Variants in SEZ6L observed in about 807,000 individuals in gnomAD.
SEZ6L encodes the protein seizure related 6 homolog like.
A neutral mutation model predicts 106.2 loss-of-function variants in SEZ6L; 37 were observed. The ratio of observed to expected loss-of-function variants is 0.35; its 90% CI spans 0.27 to 0.46. The LOEUF (loss-of-function observed/expected upper bound fraction) is 0.46, where lower values mean the gene tolerates loss of function less well. SEZ6L is among the 20% of genes least tolerant of loss of function. The pLI is 1.00. For missense variants in SEZ6L, 1,172 were observed against 1,332.8 expected (o/e 0.88, Z 1.88); for synonymous variants, 541 against 570.4 (o/e 0.95, Z 0.73).
intron 1 of SEZ6L, among the ~76,000 whole-genome samples, chr22:26,183,430 C>A (rs1939537630): frequency 1.3e-5 from 2 of 152,168 alleles, no homozygotes; most frequent in African/African-American, 4.8e-5. Context: ...CAACTTTCTC[C>A]AAGGGACCAG....
chr22:26,312,887 G>A (rs1162338241), intron 8 of SEZ6L, among the ~76,000 whole-genome samples: 1 of 152,170 alleles, frequency 6.6e-6, no homozygotes, highest in Non-Finnish European at 1.5e-5. Context: ...CCATATTCAA[G>A]GCTGCTGAGC....
intron 9 of SEZ6L, among the ~76,000 whole-genome samples, chr22:26,331,756 G>C (rs568108020): frequency 1.3e-5 from 2 of 152,338 alleles, no homozygotes; most frequent in East Asian, 3.9e-4. Flanking sequence ...GCCAAGGCAG[G>C]TGGATCACCT....
intron 1 of SEZ6L, among the ~76,000 whole-genome samples, chr22:26,184,400 G>A (rs1939628511): frequency 6.6e-6 from 1 of 152,116 alleles, no homozygotes; most frequent in South Asian, 2.1e-4. Flanking sequence ...GCACCAGGCT[G>A]GTACCCTTGC....
intron 1 of SEZ6L, among the ~76,000 whole-genome samples, chr22:26,281,425 A>G (rs971706213): frequency 7.3e-6 from 1 of 136,302 alleles, no homozygotes; most frequent in Non-Finnish European, 1.5e-5. Context: ...CCCAGGCTGG[A>G]GTGCAGTGGC....
rs931812900 is a variant in SEZ6L at position 26,242,846 on chromosome 22, G to T, written c.95-49560G>T. 15 of 152,180 alleles carry T rather than the reference G, an allele frequency of 9.9e-5. No homozygotes were observed. In the East Asian group the frequency reaches 1.5e-3, roughly 16 times the overall value. The allele number at this position is 152,180 out of a possible 1,614,324, so 9.4% of individuals were successfully genotyped here. A position where few individuals can be genotyped will look rare whatever the true frequency, so the allele number is the denominator to read the frequency against. On this transcript the variant is annotated intron_variant, in intron 1 of 16. Coordinates refer to ENST00000248933, the MANE Select transcript of SEZ6L (RefSeq NM_021115.5). ...ACATGCTCCCAGTCCTCCTGGAGTT[G>T]GTTAGTGCCCTAGGGCCACCATGAC...
At chr22:26,364,523 G>T (rs2083742533) in intron 12 of SEZ6L, among the ~76,000 whole-genome samples, 1 of 151,982 alleles carries the variant, frequency 6.6e-6, no homozygotes, top group Non-Finnish European at 1.5e-5. Context: ...ACCCTGGGAG[G>T]TTAAGGCTGC....
rs147758088 is a variant in SEZ6L at position 26,235,542 on chromosome 22, C to T, written c.95-56864C>T. 3.3e-5 allele frequency among the ~76,000 whole-genome samples: 5 copies of T among 152,032 alleles called. No individual in the cohort carries two copies. The East Asian group carries it at 9.7e-4, about 29-fold the overall frequency. Reference sequence around the variant, plus strand: ...TGGGGAAGCACCGAGGCTGTGGGAGCATGTAGGGTGAGGGCATTTGAGATA... The same window carrying T: ...TGGGGAAGCACCGAGGCTGTGGGAGTATGTAGGGTGAGGGCATTTGAGATA... On this transcript the variant is annotated intron_variant, in intron 1 of 16. Coordinates refer to ENST00000248933, the MANE Select transcript of SEZ6L (RefSeq NM_021115.5).
intron 3 of SEZ6L, among the ~76,000 whole-genome samples, chr22:26,296,077 G>T (rs144454030): frequency 4.6e-5 from 7 of 152,316 alleles, no homozygotes; most frequent in African/African-American, 1.7e-4. Context: ...TCATAAAAGC[G>T]TAAGTCTTCA....
intron 1 of SEZ6L, among the ~76,000 whole-genome samples, chr22:26,266,616 AATAG>A (rs1448295190): frequency 4.6e-5 from 6 of 129,876 alleles, no homozygotes; most frequent in Admixed American, 7.7e-5. Flanking sequence ...TAAATAAATA[AATAG>A]CAACATATTA....
intron 9 of SEZ6L, among the ~76,000 whole-genome samples, chr22:26,315,234 C>T (rs1212416686): frequency 6.6e-5 from 10 of 152,210 alleles, no homozygotes; most frequent in Non-Finnish European, 1.3e-4. Flanking sequence ...AACCCCAACA[C>T]TTCGGGAGGT....
intron 1 of SEZ6L, among the ~76,000 whole-genome samples, chr22:26,233,226 T>G (rs989903941): frequency 2.0e-5 from 3 of 152,246 alleles, no homozygotes; most frequent in African/African-American, 7.2e-5. Context: ...TTTCCCTGTC[T>G]CCAGCAGTGC....
intron 16 of SEZ6L, among the ~76,000 whole-genome samples, chr22:26,378,093 A>G (rs771014610): frequency 6.6e-6 from 1 of 151,854 alleles, no homozygotes; most frequent in Non-Finnish European, 1.5e-5. Context: ...CACACATCCC[A>G]CTGGGCTCCA....
chr22:26,375,388 G>C (rs1198440824), intron 14 of SEZ6L, among the ~76,000 whole-genome samples, 187 bp from the exon 15 acceptor site: 1 of 152,076 alleles, frequency 6.6e-6, no homozygotes, highest in Non-Finnish European at 1.5e-5. Context: ...GGATGAGTCT[G>C]GGACCCCTTG....
chr22:26,176,247 C>T (rs1938995339), intron 1 of SEZ6L, among the ~76,000 whole-genome samples: 1 of 152,232 alleles, frequency 6.6e-6, no homozygotes, highest in African/African-American at 2.4e-5. Context: ...AACCCCAGAA[C>T]TTTTGATTCC....
rs546272897 is a variant in SEZ6L, at chr22:26,174,785, C to T, written c.94+5022C>T. Among the ~76,000 whole-genome samples the T allele has an allele frequency of 4.6e-5, 7 of 152,220 alleles. No homozygotes were observed. In the South Asian group the frequency reaches 8.3e-4, roughly 18 times the overall value. On this transcript the variant is annotated intron_variant, in intron 1 of 16. Coordinates refer to ENST00000248933, the MANE Select transcript of SEZ6L (RefSeq NM_021115.5). The stretch of plus-strand genomic sequence containing the variant: ...GGTGAGTTGGGAGGAGGTCAGTGGA[C>T]GCACGAGATATAATTTACTAGAACA...
chr22:26,281,362 C>G lies in SEZ6L; in HGVS notation c.95-11044C>G, dbSNP rs1601366176. 4.1e-5 allele frequency among the ~76,000 whole-genome samples: 6 copies of G among 145,856 alleles called. No homozygotes were observed. In the Admixed American group the frequency reaches 4.2e-4, roughly 10 times the overall value. On this transcript the variant is annotated intron_variant, in intron 1 of 16. Transcript: ENST00000248933. The stretch of plus-strand genomic sequence containing the variant: ...GTAAGAAATAAGTTTCTTTTCTTTT[C>G]TTTCTTTCTTTCTTTTTTTTTTTTT...
At chr22:26,377,347 G>A (rs2146088545) in intron 15 of SEZ6L, among the ~76,000 whole-genome samples, 1 of 152,206 alleles carries the variant, frequency 6.6e-6, no homozygotes, top group South Asian at 2.1e-4. Flanking sequence ...CTCAATAAAT[G>A]CTCATCCTTG....
chr22:26,371,005 CAA>C (rs59911432), intron 13 of SEZ6L, among the ~76,000 whole-genome samples: 50,789 of 109,868 alleles, frequency 0.46, 10,237 homozygotes, highest in East Asian at 0.87. Context: ...CCCTGTATCA[CAA>C]AAAAAAAAAA....
At chr22:26,221,562 G>T (rs1414313535) in intron 1 of SEZ6L, among the ~76,000 whole-genome samples, 1 of 152,190 alleles carries the variant, frequency 6.6e-6, no homozygotes, top group East Asian at 1.9e-4. Flanking sequence ...TGTGCAAGGA[G>T]CTTCATGTGA....
Sources: gnomAD v4.1 joint callset for allele counts (sites outside exome capture counted in the v4.1 genomes callset) on GRCh38, gnomAD v4.1.1 for gene constraint, MANE v1.5 for transcripts, NCBI Gene and HGNC (gene_info 2026-07-23, HGNC 2026-07-21) for gene names.